The following JMJD6 variants were observed in gnomAD, a reference collection of about 807,000 sequenced individuals.
The protein encoded by JMJD6 is jumonji domain containing 6, arginine demethylase and lysine hydroxylase.
JMJD6 carries 17 observed loss-of-function variants against 45.8 expected under a neutral mutation model. The observed-to-expected ratio is 0.37, with a 90% CI of 0.25 to 0.56. JMJD6 has a LOEUF of 0.56. JMJD6 is among the 20% of genes least tolerant of loss of function. The pLI is 0.79. For synonymous variants in JMJD6, 221 were observed against 196.3 expected, an observed-to-expected ratio of 1.13 and a Z score of -1.05; for missense variants, 470 against 517.5, an observed-to-expected ratio of 0.91 and a Z score of 0.89.
intron 5 of JMJD6, among the ~76,000 whole-genome samples, 157 bp downstream of exon 5, chr17:76,720,203 C>G (rs971705664): frequency 1.9e-4 from 29 of 152,218 alleles, no homozygotes; most frequent in African/African-American, 6.8e-4. Flanking sequence ...AGATACACCA[C>G]TCAGCAGGAA....
intron 3 of JMJD6, 139 bp downstream of exon 3, chr17:76,723,633 G>A: frequency 2.5e-6 from 2 of 787,490 alleles, no homozygotes; most frequent in Non-Finnish European, 4.1e-6. Context: ...AGTAGAGACG[G>A]GGTTTCACCG....
chr17:76,721,679 C>T (rs1490394874), intron 4 of JMJD6, 119 bp downstream of exon 4: 1 of 1,166,972 alleles, frequency 8.6e-7, no homozygotes. Context: ...GGGTCGGCAG[C>T]CCCAGCTTTG....
At chr17:76,719,029 AT>A (rs1385859966) in intron 5 of JMJD6, among the ~76,000 whole-genome samples, 169 bp from the exon 6 acceptor site, 1 of 152,128 alleles carries the variant, frequency 6.6e-6, no homozygotes, top group Non-Finnish European at 1.5e-5. Context: ...ACCTCCTTGG[AT>A]GTTCCTGGCT....
chr17:76,724,967 T>A lies in JMJD6; in HGVS notation c.518+500A>T, dbSNP rs763341668. On this transcript the variant is annotated intron_variant, in intron 2 of 5. Transcript: ENST00000397625. ...TTTCAGAAATTCTGATGCGCAGGCA[T>A]CACCCGAATTAAATCAGTCTCCCCA... Among the ~76,000 whole-genome samples the A allele has an allele frequency of 1.5e-3, 225 of 152,270 alleles. 2 individuals are homozygous for A. Among genetic ancestry groups the A allele is most frequent in the Non-Finnish European group, 6.0e-4 (41 of 68,024 alleles).
intron 3 of JMJD6, among the ~76,000 whole-genome samples, chr17:76,722,947 CA>C (rs1050829125): frequency 7.2e-4 from 15 of 20,968 alleles, no homozygotes; most frequent in African/African-American, 2.3e-3. Flanking sequence ...TCTTTACATA[CA>C]ATTTTTTTTT....
In JMJD6 at chr17:76,720,235, T is replaced by C. The variant is rs1598375892; in HGVS notation, c.1080+125A>G. On this transcript the variant is annotated intron_variant, in intron 5 of 5. Transcript: ENST00000397625. ...GGAATGGTGACAACTGTGTAACCCT[T>C]AGAACAACGTGGAAAAACTTTCATA... The C allele has an allele frequency of 9.1e-6, 8 of 879,834 alleles. No individual in the cohort carries two copies. The South Asian group carries it at 1.1e-4, about 12-fold the overall frequency. The allele number at this position is 879,834 out of a possible 1,614,324, so 54.5% of individuals were successfully genotyped here.
Position 76,718,836 on chromosome 17 carries a change from C to T in JMJD6, c.1105G>A (p.Gly369Arg). Residue 369 changes from glycine to arginine, a missense_variant, in exon 6 of 6, where the codon GGG becomes AGG. Transcript: ENST00000397625. ...CTCTTCTTCCTGCGGTGCACTGTCC[C>T]ATCGCCCTCGGATCCAGACTCGCAC... ...SECESGSEGD[G>R]TVHRRKKRRT... The T allele has an allele frequency of 6.2e-7, 1 of 1,614,176 alleles. No individual in the cohort carries two copies. Among genetic ancestry groups the T allele is most frequent in the South Asian group, 1.1e-5 (1 of 91,080 alleles).
chr17:76,713,525 G>C (rs2076743583), downstream of JMJD6: 1 of 152,128 alleles, frequency 6.6e-6, no homozygotes, highest in Admixed American at 6.5e-5. Flanking sequence ...GAAGCCGCCA[G>C]ACTCCACTTC....
chr17:76,725,354 C>CGA, intron 2 of JMJD6, 113 bp downstream of exon 2: 2 of 1,032,942 alleles, frequency 1.9e-6, no homozygotes, highest in Non-Finnish European at 2.7e-6. Context: ...TGCTGTGAGC[C>CGA]GAGATCGCAC....
chr17:76,715,445 T>G (rs1567995843), downstream of JMJD6: 1 of 152,220 alleles, frequency 6.6e-6, no homozygotes, highest in Non-Finnish European at 1.5e-5. Flanking sequence ...ACCAGCCTCC[T>G]AGAGTAAAGC....
chr17:76,722,473 T>C (rs572634916), intron 3 of JMJD6, among the ~76,000 whole-genome samples: 2 of 152,254 alleles, frequency 1.3e-5, no homozygotes, highest in South Asian at 4.1e-4. Flanking sequence ...TCCCAGCACT[T>C]TGGGAGGCTG....
intron 3 of JMJD6, among the ~76,000 whole-genome samples, chr17:76,723,415 CA>C (rs1321885434): frequency 6.7e-6 from 1 of 149,772 alleles, no homozygotes; most frequent in Non-Finnish European, 1.5e-5. Flanking sequence ...TCCAAAATGA[CA>C]AAATATTGAA....
At chr17:76,725,255 A>T (rs1254966254) in intron 2 of JMJD6, among the ~76,000 whole-genome samples, 1 of 151,980 alleles carries the variant, frequency 6.6e-6, no homozygotes, top group African/African-American at 2.4e-5. Context: ...CTAAAAATAC[A>T]AAATTAGCTG....
intron 2 of JMJD6, among the ~76,000 whole-genome samples, chr17:76,724,653 C>A (rs1194859525): frequency 1.3e-5 from 2 of 151,484 alleles, no homozygotes; most frequent in African/African-American, 2.4e-5. Flanking sequence ...CCCATCTCTA[C>A]TGAAAATACA....
Position 76,723,867 on chromosome 17 carries a change from T to C in JMJD6, c.710A>G (p.Asn237Ser), listed in dbSNP as rs924280146. The change falls in exon 3 of 6, where the codon AAT (asparagine) becomes AGT (serine). Residue 237 changes from asparagine to serine, a missense_variant. By Grantham distance (46) the Asn-to-Ser change is conservative (BLOSUM62 1). This residue lies in a region of JMJD6 where 346 missense variants were observed against 339.5 expected (regional missense o/e 1.02). Transcript: ENST00000397625. Reference sequence around the variant, plus strand: ...AAGCTGTGTCCGGGGATAAATAACATTAAACCAGGTAATAGCTTCGTCTTG... The same window carrying C: ...AAGCTGTGTCCGGGGATAAATAACACTAAACCAGGTAATAGCTTCGTCTTG... ...NQQDEAITWF[N>S]VIYPRTQLPT... is the part of the protein sequence containing the mutation. The C allele has an allele frequency of 2.3e-5, 37 of 1,614,052 alleles. No individual in the cohort carries two copies. The East Asian group carries it at 3.3e-4, about 15-fold the overall frequency.
intron 5 of JMJD6, 62 bp from the exon 6 acceptor site, chr17:76,718,922 C>A: frequency 1.3e-6 from 2 of 1,548,838 alleles, no homozygotes; most frequent in Non-Finnish European, 1.8e-6. Flanking sequence ...CTTCATTAAA[C>A]AAACCTCTGA....
intron 1 of JMJD6, 53 bp downstream of exon 1, chr17:76,726,294 A>G: frequency 6.6e-7 from 1 of 1,517,220 alleles, no homozygotes; most frequent in Non-Finnish European, 8.8e-7. Flanking sequence ...AAAGGTGCGT[A>G]GCGGCTGGAG....
exon 7 of JMJD6, chr17:76,712,929 T>G (rs1179072205): frequency 6.6e-6 from 1 of 152,244 alleles, no homozygotes; most frequent in Non-Finnish European, 1.5e-5. Flanking sequence ...CAGGCTTTCA[T>G]GGCAGACCCC....
At chr17:76,717,365 C>T (rs2076772706), downstream of JMJD6, among the ~76,000 whole-genome samples, 1 of 152,152 alleles carries the variant, frequency 6.6e-6, no homozygotes, top group Non-Finnish European at 1.5e-5. Context: ...CAGTATTTTA[C>T]TATCTTCCAA....
Sources: allele counts gnomAD v4.1 joint callset (sites outside exome capture counted in the v4.1 genomes callset), GRCh38; gene constraint gnomAD v4.1.1; regional missense constraint gnomAD v4.1.1; transcripts MANE v1.5; gene names NCBI Gene and HGNC (gene_info 2026-07-23, HGNC 2026-07-21).